Variants in RIN2 observed in about 807,000 individuals in gnomAD.
RIN2 encodes the protein RAB5 interacting protein 2.
A neutral mutation model predicts 78.0 loss-of-function variants in RIN2; 36 were observed. The ratio of observed to expected loss-of-function variants is 0.46; its 90% CI spans 0.35 to 0.61. The LOEUF is 0.61. Among genes scored for constraint, RIN2 ranks in the 20% least tolerant of loss-of-function variants. RIN2 has a pLI of 0.00. For missense variants in RIN2, 1,087 were observed against 1,159.7 expected, an observed-to-expected ratio of 0.94 and a Z score of 0.91; for synonymous variants, 466 against 466.8, an observed-to-expected ratio of 1.00 and a Z score of 0.02.
upstream of RIN2, chr20:19,757,725 T>C (rs1304119307): frequency 6.6e-6 from 1 of 152,040 alleles, no homozygotes; most frequent in East Asian, 1.9e-4. Flanking sequence ...GAGGGGCTCG[T>C]TATGGGAAAG....
chr20:19,831,167 C>G (rs6075578), intron 2 of RIN2, among the ~76,000 whole-genome samples: 1 of 152,198 alleles, frequency 6.6e-6, no homozygotes, highest in Non-Finnish European at 1.5e-5. Context: ...CCCAATTCAC[C>G]TTAGAAATGT....
chr20:19,992,312 G>A lies in RIN2; in HGVS notation c.2200+13G>A, dbSNP rs540448395. 9.7e-6 allele frequency: 15 copies of A among 1,544,788 alleles called. No individual in the cohort carries two copies. The highest frequency in any genetic ancestry group is 3.4e-4 in the Middle Eastern group (2 of 5,948). ...TTACATGGAGAAGGTAACTGCTTTT[G>A]AGAAAAGTTGAAGGAACTGGGTGCT... is the stretch of plus-strand genomic sequence containing the variant. On this transcript the variant is annotated intron_variant, in intron 11 of 12. Coordinates refer to ENST00000255006, the MANE Select transcript of RIN2 (RefSeq NM_018993.4).
chr20:19,918,131 T>G (rs2039759442), intron 3 of RIN2, among the ~76,000 whole-genome samples: 1 of 152,082 alleles, frequency 6.6e-6, no homozygotes, highest in Non-Finnish European at 1.5e-5. Flanking sequence ...CCCACGCCAG[T>G]GCATTCCGGA....
At chr20:19,984,226 G>T (rs1454135453) in intron 9 of RIN2, among the ~76,000 whole-genome samples, 1 of 152,212 alleles carries the variant, frequency 6.6e-6, no homozygotes, top group Middle Eastern at 3.4e-3. Flanking sequence ...TAACTACAGG[G>T]ATACATCTGA....
At chr20:19,958,797 A>C (rs1422238660) in intron 5 of RIN2, among the ~76,000 whole-genome samples, 1 of 152,202 alleles carries the variant, frequency 6.6e-6, no homozygotes, top group Non-Finnish European at 1.5e-5. Context: ...TGAACCCAGG[A>C]GGTGGAGGTT....
intron 1 of RIN2, among the ~76,000 whole-genome samples, chr20:19,787,932 A>G (rs564986251): frequency 2.0e-5 from 3 of 152,258 alleles, no homozygotes; most frequent in African/African-American, 7.2e-5. Context: ...GTCTTTTCCA[A>G]ATAGAGGAAG....
At chr20:19,831,637 A>T (rs1372981074) in intron 2 of RIN2, among the ~76,000 whole-genome samples, 1 of 152,230 alleles carries the variant, frequency 6.6e-6, no homozygotes, top group Non-Finnish European at 1.5e-5. Flanking sequence ...CAAGTACTTG[A>T]GATTATATCA....
rs778283398 is a variant in RIN2 at position 19,960,714 on chromosome 20, T to C, written c.366T>C (p.His122=). 2 of 1,598,018 alleles carry C rather than the reference T, an allele frequency of 1.3e-6. No homozygotes were observed. Among genetic ancestry groups the C allele is most frequent in the Non-Finnish European group, 1.7e-6 (2 of 1,171,964 alleles). ...CCCTCCACTAGATCTTCCTGGTTCATAAATCTACCAAGATGCAGAAGAAAG... is the reference window on the plus strand; with the variant it reads ...CCCTCCACTAGATCTTCCTGGTTCACAAATCTACCAAGATGCAGAAGAAAG... ...QAQPPGIFLV[H]KSTKMQKKVL... Residue 122 remains histidine (H), a synonymous_variant, in exon 6 of 13, where the codon CAT becomes CAC. Coordinates refer to ENST00000255006, the MANE Select transcript of RIN2 (RefSeq NM_018993.4).
chr20:19,950,471 G>A (rs1249620173), intron 4 of RIN2, among the ~76,000 whole-genome samples: 3 of 152,182 alleles, frequency 2.0e-5, no homozygotes, highest in Non-Finnish European at 4.4e-5. Flanking sequence ...AAGTTGCAAA[G>A]ATAGCACTGT....
intron 4 of RIN2, among the ~76,000 whole-genome samples, chr20:19,949,838 A>G (rs1302032672): frequency 1.3e-5 from 2 of 152,170 alleles, no homozygotes; most frequent in Non-Finnish European, 1.5e-5. Flanking sequence ...AAAGGCATGC[A>G]TCGTTTGGAA....
At chr20:19,851,096 G>A (rs1318217583) in intron 2 of RIN2, among the ~76,000 whole-genome samples, 9 of 151,692 alleles carry the variant, frequency 5.9e-5, no homozygotes, top group Admixed American at 3.9e-4. Flanking sequence ...TAGGAAGGAA[G>A]GAAAGAGAAG....
intron 4 of RIN2, among the ~76,000 whole-genome samples, chr20:19,944,026 G>T (rs2040989400): frequency 9.3e-6 from 1 of 107,124 alleles, no homozygotes; most frequent in Admixed American, 1.4e-4. Flanking sequence ...CTCAAGTTCT[G>T]AACTTCAAAA....
intron 3 of RIN2, among the ~76,000 whole-genome samples, chr20:19,913,232 CTG>C (rs2039549388): frequency 6.6e-6 from 1 of 151,850 alleles, no homozygotes; most frequent in African/African-American, 2.4e-5. Flanking sequence ...TCAGATCTTA[CTG>C]TTTTTTTTTT....
chr20:19,930,721 T>A (rs1389360641), intron 3 of RIN2, among the ~76,000 whole-genome samples: 2 of 152,296 alleles, frequency 1.3e-5, no homozygotes, highest in African/African-American at 4.8e-5. Flanking sequence ...CAGGGCCTAG[T>A]CCCAGGGTGG....
At chr20:19,996,891 A>G (rs2042985856) in intron 12 of RIN2, 49 bp downstream of exon 12, 1 of 1,513,266 alleles carries the variant, frequency 6.6e-7, no homozygotes, top group Non-Finnish European at 8.9e-7. Flanking sequence ...AGGAATGCGG[A>G]GCTGGCTCAC....
chr20:19,973,606 T>G (rs1168718532), intron 8 of RIN2, among the ~76,000 whole-genome samples: 1 of 152,144 alleles, frequency 6.6e-6, no homozygotes. Flanking sequence ...CTGGTAAACA[T>G]GGTGAAACCC....
intron 3 of RIN2, among the ~76,000 whole-genome samples, chr20:19,932,934 A>G (rs1473145051): frequency 6.6e-6 from 1 of 152,248 alleles, no homozygotes; most frequent in Non-Finnish European, 1.5e-5. Context: ...TTAATTGCTC[A>G]AACCAAACAC....
Position 19,961,551 on chromosome 20 carries a change from C to G in RIN2, c.463+740C>G, listed in dbSNP as rs142394254. ...AGGAGGAGAGAGCTCAGAAGCAAGA[C>G]AGAGCCTGGGATTCCCACTTGCTTC... On this transcript the variant is annotated intron_variant, in intron 6 of 12. Transcript: ENST00000255006. Among the ~76,000 whole-genome samples, 67 of 152,226 alleles carry G rather than the reference C, an allele frequency of 4.4e-4. 1 individual carries two copies. In the East Asian group the frequency reaches 0.012, roughly 27 times the overall value.
intron 2 of RIN2, among the ~76,000 whole-genome samples, chr20:19,809,923 A>T (rs1023202549): frequency 3.3e-5 from 5 of 152,178 alleles, no homozygotes; most frequent in African/African-American, 1.2e-4. Context: ...CCTCTGCCAC[A>T]AGAGAACAGC....
Sources: allele counts gnomAD v4.1 joint callset (sites outside exome capture counted in the v4.1 genomes callset), GRCh38; gene constraint gnomAD v4.1.1; transcripts MANE v1.5; gene names NCBI Gene and HGNC (gene_info 2026-07-23, HGNC 2026-07-21).